The following SAMD5 variants were observed in gnomAD, a reference collection of about 807,000 sequenced individuals.
SAMD5 encodes the protein sterile alpha motif domain-containing protein 5.
In SAMD5, 13 loss-of-function variants were observed where a neutral mutation model predicts 11.3. The observed-to-expected ratio is 1.15, with a 90% CI of 0.75 to 1.83. The LOEUF is 1.83. Among genes scored for constraint, SAMD5 ranks in the 40% most tolerant of loss-of-function variants. The pLI is 0.00. For synonymous variants in SAMD5, 129 were observed against 111.3 expected, an observed-to-expected ratio of 1.16 and a Z score of -1.00; for missense variants, 255 against 239.1, an observed-to-expected ratio of 1.07 and a Z score of -0.44.
the SAMD5 span, among the ~76,000 whole-genome samples, chr6:147,815,671 T>C: frequency 6.6e-6 from 1 of 152,204 alleles, no homozygotes; most frequent in Non-Finnish European, 1.5e-5. Flanking sequence ...CTAAGCTTTC[T>C]CATTTCTTCT....
the SAMD5 span, among the ~76,000 whole-genome samples, chr6:147,760,595 C>T: frequency 6.6e-6 from 1 of 151,996 alleles, no homozygotes; most frequent in Non-Finnish European, 1.5e-5. Flanking sequence ...AGTGGGAACA[C>T]AATCAAAGAG....
intron 1 of SAMD5, among the ~76,000 whole-genome samples, chr6:147,515,703 C>T (rs1629209): frequency 0.47 from 71,495 of 151,716 alleles, 19,578 homozygotes; most frequent in African/African-American, 0.77. Flanking sequence ...ACTAGACAGA[C>T]ATGGTCTCTG....
intron 1 of SAMD5, among the ~76,000 whole-genome samples, chr6:147,584,927 G>C (rs1177616569): frequency 2.0e-5 from 3 of 152,202 alleles, no homozygotes; most frequent in Non-Finnish European, 2.9e-5. Context: ...GTAGCTGCTG[G>C]TGAAAATAGA....
At chr6:147,635,895 T>TGA (rs1352537101) in intron 1 of SAMD5, among the ~76,000 whole-genome samples, 5 of 152,208 alleles carry the variant, frequency 3.3e-5, no homozygotes, top group African/African-American at 1.2e-4. Flanking sequence ...TTCATGAGCT[T>TGA]GAGAATCAGT....
At chr6:147,816,143 G>A in the SAMD5 span, among the ~76,000 whole-genome samples, 2 of 150,872 alleles carry the variant, frequency 1.3e-5, no homozygotes, top group African/African-American at 4.9e-5. Context: ...AGCTAGGTGT[G>A]GTGGCGCGCG....
chr6:147,809,710 A>C, the SAMD5 span, among the ~76,000 whole-genome samples: 1 of 152,166 alleles, frequency 6.6e-6, no homozygotes, highest in East Asian at 1.9e-4. Flanking sequence ...ATCAGGAGTA[A>C]GTTTTCAACA....
chr6:147,945,457 A>C, the SAMD5 span, among the ~76,000 whole-genome samples: 1 of 152,224 alleles, frequency 6.6e-6, no homozygotes, highest in Non-Finnish European at 1.5e-5. Flanking sequence ...ATCCGTGTAT[A>C]AATACATGTC....
At chr6:147,548,374 C>T (rs944115282) in intron 1 of SAMD5, among the ~76,000 whole-genome samples, 1 of 152,264 alleles carries the variant, frequency 6.6e-6, no homozygotes, top group South Asian at 2.1e-4. Flanking sequence ...CTTTCTAGAA[C>T]GTGGCAGAAT....
downstream of SAMD5, chr6:147,741,299 C>T (rs1420983735): frequency 6.6e-6 from 1 of 152,126 alleles, no homozygotes; most frequent in Non-Finnish European, 1.5e-5. Context: ...CATACAATGA[C>T]CCTTGAACAA....
At chr6:147,808,848 G>A in the SAMD5 span, among the ~76,000 whole-genome samples, 1 of 152,096 alleles carries the variant, frequency 6.6e-6, no homozygotes, top group Non-Finnish European at 1.5e-5. Flanking sequence ...TATGAGGGCA[G>A]CGAGGCACAA....
chr6:147,580,197 G>A lies in SAMD5; in HGVS notation c.162+70810G>A, dbSNP rs537861565. Among the ~76,000 whole-genome samples the A allele has an allele frequency of 2.0e-5, 3 of 152,318 alleles. No homozygotes were observed. The East Asian group carries it at 5.8e-4, about 29-fold the overall frequency. On this transcript the variant is annotated intron_variant, in intron 1 of 1. Transcript: ENST00000566741. ...CTGGACCCCAGCACTGACAACTGCT[G>A]CTCAGGTCTTCCAGGAGGGCAGTAG...
chr6:147,595,191 C>T lies in SAMD5; in HGVS notation c.162+85804C>T, dbSNP rs562230625. On this transcript the variant is annotated intron_variant, in intron 1 of 1. Transcript: ENST00000566741. Reference sequence around the variant, plus strand: ...GCCTTGAGCAGCTCCTTAAAAAATGCCTGATACATTTGGAATGTTTGCACA... The same window carrying T: ...GCCTTGAGCAGCTCCTTAAAAAATGTCTGATACATTTGGAATGTTTGCACA... 1.1e-4 allele frequency among the ~76,000 whole-genome samples: 17 copies of T among 152,270 alleles called. No homozygotes were observed. In the South Asian group the frequency reaches 3.3e-3, roughly 30 times the overall value.
the SAMD5 span, among the ~76,000 whole-genome samples, chr6:147,952,358 T>TG: frequency 6.6e-6 from 1 of 152,226 alleles, no homozygotes; most frequent in Non-Finnish European, 1.5e-5. Flanking sequence ...TTTCCTTTGC[T>TG]GGGTAGGCGT....
chr6:147,740,863 C>T (rs2128460723), downstream of SAMD5, among the ~76,000 whole-genome samples: 1 of 152,324 alleles, frequency 6.6e-6, no homozygotes, highest in Non-Finnish European at 1.5e-5. Context: ...CACGAAGCTT[C>T]ATTAACTTCT....
chr6:147,515,675 A>G (rs572083160), intron 1 of SAMD5, among the ~76,000 whole-genome samples: 52 of 152,248 alleles, frequency 3.4e-4, no homozygotes, highest in African/African-American at 1.3e-3. Flanking sequence ...CTAGGCTTTA[A>G]GATCACAATT....
the SAMD5 span, among the ~76,000 whole-genome samples, chr6:147,889,745 C>T: frequency 6.6e-6 from 1 of 152,184 alleles, no homozygotes; most frequent in African/African-American, 2.4e-5. Context: ...CTCCTGGGCT[C>T]TGTGTGGACT....
chr6:147,695,597 A>G (rs1252688625), intron 1 of SAMD5, among the ~76,000 whole-genome samples: 2 of 152,222 alleles, frequency 1.3e-5, no homozygotes, highest in Admixed American at 6.5e-5. Flanking sequence ...AAAAACTATC[A>G]GTGTTATTCC....
chr6:147,687,451 A>AT (rs35752107), intron 1 of SAMD5, among the ~76,000 whole-genome samples: 1 of 151,240 alleles, frequency 6.6e-6, no homozygotes, highest in Admixed American at 6.6e-5. Flanking sequence ...TAATTTTTGT[A>AT]TTTTTTGAAG....
At chr6:147,732,545 T>C (rs1395385580) in intron 1 of SAMD5, among the ~76,000 whole-genome samples, 2 of 152,228 alleles carry the variant, frequency 1.3e-5, no homozygotes, top group African/African-American at 4.8e-5. Context: ...GGTGAGAGCT[T>C]GGCCTGCTCA....
Sources: gnomAD v4.1 joint callset for allele counts (sites outside exome capture counted in the v4.1 genomes callset) on GRCh38, gnomAD v4.1.1 for gene constraint, MANE v1.5 for transcripts, NCBI Gene and HGNC (gene_info 2026-07-23, HGNC 2026-07-21) for gene names.